PCDHGA8: variants seen among roughly 807,000 people sequenced by gnomAD.
PCDHGA8 encodes the protein protocadherin gamma-A8.
PCDHGA8 carries 45 observed loss-of-function variants against 59.2 expected under a neutral mutation model. The ratio of observed to expected loss-of-function variants is 0.76; its 90% CI spans 0.60 to 0.98. The LOEUF (loss-of-function observed/expected upper bound fraction) is 0.98. Among genes scored for constraint, PCDHGA8 ranks in the 50% least tolerant of loss-of-function variants. The pLI is 0.00. For synonymous variants in PCDHGA8, 531 were observed against 519.0 expected (o/e 1.02, Z -0.32); for missense variants, 1,257 against 1,196.2 (o/e 1.05, Z -0.75).
intron 1 of PCDHGA8, chr5:141,408,785 T>C: frequency 6.2e-7 from 1 of 1,612,308 alleles, no homozygotes; most frequent in Non-Finnish European, 8.5e-7. Context: ...CCCAGAGTTA[T>C]CTCTGGAGAA....
intron 1 of PCDHGA8, among the ~76,000 whole-genome samples, chr5:141,474,248 A>G (rs2099346089): frequency 6.6e-6 from 1 of 152,220 alleles, no homozygotes; most frequent in African/African-American, 2.4e-5. Context: ...TAGGGGAAAA[A>G]AAGACTGATA....
rs1562144438 is a variant in PCDHGA8, at chr5:141,491,135, G to A, written c.2425-3672G>A. On this transcript the variant is annotated intron_variant, in intron 1 of 3. Transcript: ENST00000398604. The surrounding 1 kb of genome is among the most constrained non-coding windows in gnomAD (Gnocchi z 6.9). Reference sequence around the variant, plus strand: ...CACACTGGTGAGGTGCGCACAGCCCGGGCCTTACTGGAGGATGACTCTGAC... The same window carrying A: ...CACACTGGTGAGGTGCGCACAGCCCAGGCCTTACTGGAGGATGACTCTGAC... 4 of 1,614,104 alleles carry A rather than the reference G, an allele frequency of 2.5e-6. No homozygotes were observed. The highest frequency in any genetic ancestry group is 1.3e-5 in the African/African-American group (1 of 75,034).
chr5:141,494,428 G>A (rs1476469017), intron 1 of PCDHGA8, among the ~76,000 whole-genome samples: 1 of 152,148 alleles, frequency 6.6e-6, no homozygotes, highest in African/African-American at 2.4e-5. Flanking sequence ...TCATTGAAAA[G>A]CCTCCTTTGC....
chr5:141,401,641 A>C (rs557366973), intron 1 of PCDHGA8, among the ~76,000 whole-genome samples: 1 of 152,374 alleles, frequency 6.6e-6, no homozygotes, highest in African/African-American at 2.4e-5. Context: ...GGAGCTTTAA[A>C]TATAAATGAC....
At chr5:141,461,131 T>G (rs1372557827) in intron 1 of PCDHGA8, among the ~76,000 whole-genome samples, 1 of 152,094 alleles carries the variant, frequency 6.6e-6, no homozygotes, top group Non-Finnish European at 1.5e-5. Flanking sequence ...TATAATTACT[T>G]ATTTTCCTTT....
rs574059424 is a variant in PCDHGA8 at position 141,426,522 on chromosome 5, G to A, written c.2424+31285G>A. On this transcript the variant is annotated intron_variant, in intron 1 of 3. Transcript: ENST00000398604. ...AGAAACAATACTTTACCGTGAACAC[G>A]GAGAATGGGAACATACTTGTGAGTG... is the stretch of plus-strand genomic sequence containing the variant. The A allele has an allele frequency of 4.4e-5, 15 of 341,518 alleles. No individual in the cohort carries two copies. In the East Asian group the frequency reaches 6.0e-4, roughly 14 times the overall value. 21.2% of individuals were successfully genotyped at this position (341,518 alleles called of 1,614,324 possible).
chr5:141,403,863 C>CA (rs1449407003), intron 1 of PCDHGA8: 1 of 1,613,374 alleles, frequency 6.2e-7, no homozygotes, highest in Non-Finnish European at 8.5e-7. Flanking sequence ...ATATCAACAG[C>CA]AAAAAGTCTA....
At chr5:141,436,042 T>A (rs1246680632) in intron 1 of PCDHGA8, among the ~76,000 whole-genome samples, 4 of 152,182 alleles carry the variant, frequency 2.6e-5, no homozygotes, top group Non-Finnish European at 5.9e-5. Context: ...TGTATTTACA[T>A]TAGTTTTCAA....
chr5:141,481,065 AAAAG>A (rs1476331686), intron 1 of PCDHGA8, among the ~76,000 whole-genome samples: 1 of 152,164 alleles, frequency 6.6e-6, no homozygotes, highest in Non-Finnish European at 1.5e-5. Flanking sequence ...CTCAAAAACA[AAAAG>A]AAAGAAAGAA....
chr5:141,454,932 C>G (rs945154196), intron 1 of PCDHGA8, among the ~76,000 whole-genome samples: 7 of 150,770 alleles, frequency 4.6e-5, no homozygotes, highest in Non-Finnish European at 1.0e-4. Context: ...CTCAGCCTCC[C>G]GAGTAGCTGG....
At position 141,486,641 on chromosome 5, in the gene PCDHGA8, A is replaced by C; in HGVS notation, c.2425-8166A>C. On this transcript the variant is annotated intron_variant, in intron 1 of 3. Transcript: ENST00000398604. The surrounding 1 kb of genome is among the most constrained non-coding windows in gnomAD (Gnocchi z 5.0). ...CCCAGACTCTGGCTTGAATGCGCTTATCTCCTACTCACTCCTGGAGCCCAG... is the reference window on the plus strand; with the variant it reads ...CCCAGACTCTGGCTTGAATGCGCTTCTCTCCTACTCACTCCTGGAGCCCAG... 6.2e-7 allele frequency: 1 copy of C among 1,613,734 alleles called. No individual in the cohort carries two copies. The highest frequency in any genetic ancestry group is 1.6e-4 in the Middle Eastern group (1 of 6,062).
At position 141,469,305 on chromosome 5, in the gene PCDHGA8, G is replaced by A. The variant is rs990437808; in HGVS notation, c.2425-25502G>A. Among the ~76,000 whole-genome samples the A allele has an allele frequency of 3.9e-5, 6 of 152,192 alleles. No homozygotes were observed. The South Asian group carries it at 6.2e-4, about 16-fold the overall frequency. On this transcript the variant is annotated intron_variant, in intron 1 of 3. Transcript: ENST00000398604. ...AAATAAAACAAAATAGACTGGGCACGATGGCTCACGCCTGTAATCCCACCA... is the reference window on the plus strand; with the variant it reads ...AAATAAAACAAAATAGACTGGGCACAATGGCTCACGCCTGTAATCCCACCA...
intron 1 of PCDHGA8, among the ~76,000 whole-genome samples, chr5:141,444,257 C>T (rs376980362): frequency 1.2e-4 from 18 of 147,512 alleles, no homozygotes; most frequent in East Asian, 6.0e-4. Context: ...CTGCAACCTC[C>T]GCCTCCCAGG....
chr5:141,419,748 G>T, intron 1 of PCDHGA8: 1 of 1,613,872 alleles, frequency 6.2e-7, no homozygotes, highest in Non-Finnish European at 8.5e-7. Flanking sequence ...CGCATGGTGC[G>T]TGCTTTGGGT....
rs770468191 is a variant in PCDHGA8, at chr5:141,478,296, A to G, written c.2425-16511A>G. On this transcript the variant is annotated intron_variant, in intron 1 of 3. Coordinates refer to ENST00000398604, the MANE Select transcript of PCDHGA8 (RefSeq NM_032088.2). ...AAGTGGAAGCAGTCTAGAGACCTAT[A>G]CCGAGCCCCGGTGAGCTCACTGTAC... is the stretch of plus-strand genomic sequence containing the variant. The G allele has an allele frequency of 9.3e-6, 15 of 1,613,962 alleles. No individual in the cohort carries two copies. Among genetic ancestry groups the G allele is most frequent in the African/African-American group, 6.7e-5 (5 of 74,930 alleles).
intron 1 of PCDHGA8, chr5:141,427,047 C>T (rs1196561600): frequency 1.1e-5 from 5 of 457,294 alleles, no homozygotes; most frequent in Non-Finnish European, 1.8e-5. Flanking sequence ...GAATGTGCCC[C>T]CAGGCACCTC....
intron 2 of PCDHGA8, among the ~76,000 whole-genome samples, chr5:141,501,110 G>A (rs1373404247): frequency 2.6e-5 from 4 of 151,908 alleles, no homozygotes; most frequent in Admixed American, 6.6e-5. Flanking sequence ...CTCGTGATCC[G>A]CCTGCCTCAG....
At chr5:141,481,216 G>T (rs2099534005) in intron 1 of PCDHGA8, among the ~76,000 whole-genome samples, 3 of 152,110 alleles carry the variant, frequency 2.0e-5, no homozygotes, top group Admixed American at 6.5e-5. Flanking sequence ...ACATGGTAAG[G>T]TCTCCCAGCC....
intron 1 of PCDHGA8, chr5:141,404,627 G>GC (rs2094548617): frequency 6.2e-7 from 1 of 1,614,026 alleles, no homozygotes; most frequent in Non-Finnish European, 8.5e-7. Flanking sequence ...GAATGACAAT[G>GC]CCCCAGAAAT....
Sources: allele counts gnomAD v4.1 joint callset (sites outside exome capture counted in the v4.1 genomes callset), GRCh38; gene constraint gnomAD v4.1.1; non-coding constraint Gnocchi (gnomAD v3.1); transcripts MANE v1.5; gene names NCBI Gene and HGNC (gene_info 2026-07-23, HGNC 2026-07-21).